The following C2CD3 variants were observed in gnomAD, a reference collection of about 807,000 sequenced individuals.
The protein encoded by C2CD3 is C2 domain containing 3 centriole elongation regulator.
C2CD3 carries 148 observed loss-of-function variants against 234.0 expected under a neutral mutation model. The ratio of observed to expected loss-of-function variants is 0.63; its 90% CI spans 0.55 to 0.72. The LOEUF (loss-of-function observed/expected upper bound fraction) is 0.72, where lower values mean the gene tolerates loss of function less well. Ranked by LOEUF, C2CD3 falls within the 30% of genes least tolerant of loss-of-function variation. The pLI, the probability that C2CD3 is intolerant of heterozygous loss-of-function variation, is 0.00. For missense variants in C2CD3, 2,577 were observed against 2,811.5 expected (o/e 0.92, Z 1.89); for synonymous variants, 1,000 against 1,035.4 (o/e 0.97, Z 0.66).
intron 16 of C2CD3, among the ~76,000 whole-genome samples, chr11:74,095,996 G>GT (rs1177403390): frequency 2.0e-5 from 3 of 152,192 alleles, no homozygotes; most frequent in Non-Finnish European, 4.4e-5. Flanking sequence ...AATCAGTTGG[G>GT]TATAACACCA....
intron 3 of C2CD3, among the ~76,000 whole-genome samples, chr11:74,150,510 A>AC (rs1565348103): frequency 1.3e-4 from 10 of 76,382 alleles, no homozygotes; most frequent in African/African-American, 4.9e-4. Flanking sequence ...AAAAAAAAAA[A>AC]AAAAACAAAA....
rs190139874 is a variant in C2CD3, at chr11:74,160,487, A to G, written c.483+912T>C. Among the ~76,000 whole-genome samples the G allele has an allele frequency of 5.9e-5, 9 of 152,278 alleles. No homozygotes were observed. In the East Asian group the frequency reaches 1.7e-3, roughly 29 times the overall value. On this transcript the variant is annotated intron_variant, in intron 3 of 32. Coordinates refer to ENST00000334126, the MANE Select transcript of C2CD3 (RefSeq NM_001286577.2). ...ATGTTAAATGAAATAAGCCAGGCAC[A>G]GAAGGACAAATATTATACTGCATAA...
intron 32 of C2CD3, among the ~76,000 whole-genome samples, chr11:74,024,049 C>T (rs1952193359): frequency 1.3e-5 from 2 of 152,328 alleles, no homozygotes; most frequent in African/African-American, 4.8e-5. Context: ...TTATGTTCCT[C>T]CTCCCCTATC....
intron 32 of C2CD3, among the ~76,000 whole-genome samples, chr11:74,018,370 C>T (rs1951952943): frequency 6.6e-6 from 1 of 152,124 alleles, no homozygotes; most frequent in Non-Finnish European, 1.5e-5. Context: ...CAGTGCTAGA[C>T]CAGGCAAGTT....
chr11:74,085,031 A>G, intron 21 of C2CD3, 61 bp from the exon 22 acceptor site: 2 of 910,520 alleles, frequency 2.2e-6, no homozygotes, highest in Admixed American at 3.5e-5. Flanking sequence ...GGGCTAGTTT[A>G]CAGTATATCC....
At position 74,074,496 on chromosome 11, in the gene C2CD3, C is replaced by T. The variant is rs1565258687; in HGVS notation, c.4708G>A (p.Glu1570Lys). 6.2e-7 allele frequency: 1 copy of T among 1,614,042 alleles called. No homozygotes were observed. The highest frequency in any genetic ancestry group is 1.3e-5 in the African/African-American group (1 of 74,934). Residue 1570 changes from glutamate to lysine, a missense_variant, in exon 24 of 33, where the codon GAG becomes AAG. Physicochemically the swap from Glu to Lys is moderately conservative, Grantham distance 56 (BLOSUM62 1). Transcript: ENST00000334126. ...SLSSHLEPTH[E>K]LDSMDCSSHS... ...CTGCTGCAGTCCATGGAGTCCAGCT[C>T]ATGAGTGGGCTCAAGGTGTGAGGAA...
At chr11:74,081,376 G>A (rs542326472) in intron 22 of C2CD3, among the ~76,000 whole-genome samples, 2 of 152,168 alleles carry the variant, frequency 1.3e-5, no homozygotes, top group South Asian at 4.1e-4. Flanking sequence ...TCTTCAGTGA[G>A]AGAAAAAATA....
chr11:74,087,442 G>C (rs1411361980), intron 20 of C2CD3, among the ~76,000 whole-genome samples: 1 of 152,008 alleles, frequency 6.6e-6, no homozygotes, highest in East Asian at 1.9e-4. Context: ...GCGGGCACCT[G>C]TAATCCCAGC....
chr11:74,028,648 A>G (rs1952403059), intron 31 of C2CD3, among the ~76,000 whole-genome samples: 1 of 152,234 alleles, frequency 6.6e-6, no homozygotes, highest in Non-Finnish European at 1.5e-5. Flanking sequence ...TTAGCCCCAC[A>G]GTGATCCCTC....
chr11:74,165,256 A>G (rs1013054195), intron 2 of C2CD3, among the ~76,000 whole-genome samples: 4 of 152,246 alleles, frequency 2.6e-5, no homozygotes, highest in Admixed American at 6.5e-5. Flanking sequence ...TCCAGCCTAG[A>G]AAAAAAGAGC....
chr11:74,118,905 A>ATT (rs1228553220), intron 8 of C2CD3, among the ~76,000 whole-genome samples: 1,652 of 127,904 alleles, frequency 0.013, 31 homozygotes, highest in African/African-American at 0.028. Context: ...TGGATAGACT[A>ATT]TTTTTTTTTT....
At position 74,168,472 on chromosome 11, in the gene C2CD3, C is replaced by T. The variant is rs1181985736; in HGVS notation, c.197G>A (p.Trp66Ter). The T allele has an allele frequency of 1.2e-6, 2 of 1,614,198 alleles. No individual in the cohort carries two copies. The highest frequency in any genetic ancestry group is 1.7e-6 in the Non-Finnish European group (2 of 1,180,030). Residue 66 changes from tryptophan to a stop codon, truncating the protein, a stop_gained, in exon 2 of 33, where the codon TGG (tryptophan) becomes TAG (stop). Coordinates refer to ENST00000334126, the MANE Select transcript of C2CD3 (RefSeq NM_001286577.2). LOFTEE classifies it high-confidence loss of function. ...PTCVLVRVRW[W>*]GETSDGTLFC... is the part of the protein sequence containing the mutation. ...GAGGGTTCCATCTGATGTTTCTCCC[C>T]ACCATCTCACTCGGACAAGTACACA... is the stretch of plus-strand genomic sequence containing the variant.
intron 14 of C2CD3, among the ~76,000 whole-genome samples, chr11:74,101,522 C>T (rs1956315366): frequency 6.6e-6 from 1 of 152,166 alleles, no homozygotes; most frequent in Non-Finnish European, 1.5e-5. Context: ...TGTTTATATC[C>T]TGAACACATT....
chr11:74,077,309 T>A (rs993052231), intron 23 of C2CD3, among the ~76,000 whole-genome samples: 1 of 152,140 alleles, frequency 6.6e-6, no homozygotes. Flanking sequence ...CTAAGCACTA[T>A]GTTAAATGCA....
chr11:74,036,847 A>G (rs1038325356), intron 30 of C2CD3, among the ~76,000 whole-genome samples: 6 of 152,236 alleles, frequency 3.9e-5, no homozygotes, highest in Non-Finnish European at 8.8e-5. Flanking sequence ...CTGGGGAGTT[A>G]GAAACAATAC....
intron 7 of C2CD3, among the ~76,000 whole-genome samples, chr11:74,127,119 T>C (rs1614299): frequency 0.61 from 92,280 of 152,122 alleles, 30,099 homozygotes; most frequent in African/African-American, 0.87. Flanking sequence ...CTGATCCTCC[T>C]ACCTCAGCCT....
At chr11:74,124,736 T>A (rs1957347950) in intron 7 of C2CD3, among the ~76,000 whole-genome samples, 3 of 152,222 alleles carry the variant, frequency 2.0e-5, no homozygotes, top group Non-Finnish European at 4.4e-5. Flanking sequence ...AACTTTACTT[T>A]TTGTTCTTTT....
intron 7 of C2CD3, among the ~76,000 whole-genome samples, chr11:74,125,493 T>G (rs1306956960): frequency 6.6e-6 from 1 of 152,162 alleles, no homozygotes; most frequent in African/African-American, 2.4e-5. Context: ...TATACTGTTA[T>G]TTTCTGATTT....
Position 74,123,081 on chromosome 11 carries a change from G to C in C2CD3, c.1272C>G (p.Ser424=). ...AATACACATCACTCCCAGGAGATGG[G>C]GAATCTGGAGGAGAGCCTAGCCCAT... The part of the protein sequence containing the change: ...FWDGLGSPPD[S]PSPGSDVYCI... The change falls in exon 8 of 33, where the codon TCC becomes TCG. Residue 424 remains serine, a synonymous_variant. Transcript: ENST00000334126. 1 of 1,612,488 alleles carries C rather than the reference G, an allele frequency of 6.2e-7. No individual in the cohort carries two copies. The highest frequency in any genetic ancestry group is 1.7e-5 in the Admixed American group (1 of 59,996).
Sources: gnomAD v4.1 joint callset for allele counts (sites outside exome capture counted in the v4.1 genomes callset) on GRCh38, gnomAD v4.1.1 for gene constraint, MANE v1.5 for transcripts, NCBI Gene and HGNC (gene_info 2026-07-23, HGNC 2026-07-21) for gene names.